NUDT16L1: variants seen among roughly 807,000 people sequenced by gnomAD.
The protein encoded by NUDT16L1 is nudix hydrolase 16 like 1, also known as tudor-interacting repair regulator protein.
Under a neutral mutation model 17.3 loss-of-function variants are expected in NUDT16L1, and 19 were observed. That is an observed-to-expected ratio of 1.10 (90% confidence interval 0.77 to 1.61). The LOEUF is 1.61. Ranked by LOEUF, NUDT16L1 falls within the 40% of genes most tolerant of loss-of-function variation. NUDT16L1 has a pLI of 0.00. For synonymous variants in NUDT16L1, 255 were observed against 138.6 expected (o/e 1.84, Z -5.90); for missense variants, 341 against 292.0 (o/e 1.17, Z -1.22).
exon 2 of NUDT16L1, chr16:4,694,072 G>C (rs927713100): frequency 6.3e-7 from 1 of 1,589,696 alleles, no homozygotes; most frequent in Non-Finnish European, 8.5e-7. Context: ...CGGGTGCTGG[G>C]CCTGGGCCTG....
chr16:4,694,550 G>C, intron 2 of NUDT16L1: 1 of 1,457,112 alleles, frequency 6.9e-7, no homozygotes, highest in South Asian at 1.4e-5. Flanking sequence ...GGGATTGCTT[G>C]GGGAGTTGGG....
intron 2 of NUDT16L1, 51 bp downstream of exon 2, chr16:4,694,289 C>T (rs1369901273): frequency 2.7e-6 from 4 of 1,477,022 alleles, no homozygotes; most frequent in Non-Finnish European, 3.6e-6. Flanking sequence ...TGGCTCTGGC[C>T]CCGTGGAAGG....
exon 1 of NUDT16L1, chr16:4,693,704 G>GCGGGGA: frequency 6.7e-7 from 1 of 1,482,490 alleles, no homozygotes; most frequent in Non-Finnish European, 9.0e-7. Flanking sequence ...AGTGGCAGCG[G>GCGGGGA]CGGGGACGGG....
chr16:4,694,504 T>G (rs1403221238), intron 2 of NUDT16L1: 70 of 1,350,834 alleles, frequency 5.2e-5, no homozygotes, highest in Middle Eastern at 1.8e-4. Context: ...AGTGGGGGAG[T>G]GGGATCGGTG....
At chr16:4,693,854 G>T in exon 1 of NUDT16L1, 1 of 1,554,774 alleles carries the variant, frequency 6.4e-7, no homozygotes, top group Admixed American at 1.9e-5. Flanking sequence ...CTCTTCGGCC[G>T]CATCCCCATG....
exon 3 of NUDT16L1, chr16:4,695,425 G>A (rs2079521410): frequency 1.7e-6 from 1 of 594,616 alleles, no homozygotes; most frequent in Non-Finnish European, 3.0e-6. Context: ...GCCTCAGGAT[G>A]CTCTTGTTTA....
rs754501170 is a variant in NUDT16L1, at chr16:4,695,096, G to A, written c.553G>A (p.Glu185Lys). The change falls in exon 3 of 3, where the codon GAG becomes AAG. Residue 185 changes from glutamate to lysine, a missense_variant. Glu to Lys is a moderately conservative substitution (Grantham distance 56). Transcript: ENST00000304301. The stretch of plus-strand genomic sequence containing the variant: ...CCTCAAGGTGCTCAACATGATGCCC[G>A]AGGAGAAGCTGGTTGAGGCCCTGGC... The A allele has an allele frequency of 5.6e-6, 9 of 1,613,422 alleles. No individual in the cohort carries two copies. The highest frequency in any genetic ancestry group is 1.3e-5 in the African/African-American group (1 of 74,896).
At chr16:4,693,613 T>C, upstream of NUDT16L1, 2 of 1,214,410 alleles carry the variant, frequency 1.6e-6, no homozygotes, top group Non-Finnish European at 2.1e-6. Flanking sequence ...GCGCCGGCGA[T>C]TGGCGGGGGA....
exon 3 of NUDT16L1, chr16:4,695,342 C>T (rs1019593939): frequency 1.6e-5 from 12 of 731,622 alleles, no homozygotes; most frequent in African/African-American, 1.4e-4. Context: ...AGGTGGCGGC[C>T]GGGCCAGCTG....
upstream of NUDT16L1, chr16:4,693,611 G>C (rs1287245511): frequency 8.3e-7 from 1 of 1,210,536 alleles, no homozygotes; most frequent in East Asian, 3.3e-5. Context: ...GCGCGCCGGC[G>C]ATTGGCGGGG....
chr16:4,694,838 C>CTA, intron 2 of NUDT16L1, 120 bp from the exon 3 acceptor site: 16 of 1,469,452 alleles, frequency 1.1e-5, no homozygotes, highest in Non-Finnish European at 1.4e-5. Context: ...GTGGGTCTCC[C>CTA]ATTAAGTCCT....
At chr16:4,694,385 G>C (rs1045003839) in intron 2 of NUDT16L1, 147 bp downstream of exon 2, 6 of 1,454,746 alleles carry the variant, frequency 4.1e-6, no homozygotes, top group Middle Eastern at 2.0e-4. Flanking sequence ...GGGGAGAGGG[G>C]TCTGGGGCTG....
At chr16:4,694,713 G>A in intron 2 of NUDT16L1, 1 of 1,423,422 alleles carries the variant, frequency 7.0e-7, no homozygotes. Context: ...GGACCCCGGG[G>A]TGGGGTGGCC....
chr16:4,694,570 C>T (rs745741984), intron 2 of NUDT16L1: 179 of 1,449,068 alleles, frequency 1.2e-4, no homozygotes, highest in Non-Finnish European at 1.4e-4. Flanking sequence ...GAAACTTGAG[C>T]ACAGCGGGGG....
chr16:4,694,210 C>A (rs1380684810), exon 2 of NUDT16L1: 3 of 1,535,592 alleles, frequency 2.0e-6, no homozygotes, highest in African/African-American at 2.8e-5. Flanking sequence ...GAGATCAGCG[C>A]GGTGCACTCG....
At chr16:4,695,209 T>A (rs865872495) in exon 3 of NUDT16L1, 1 of 1,601,550 alleles carries the variant, frequency 6.2e-7, no homozygotes. Context: ...CACCCTCCCC[T>A]GGGCCGGAAG....
exon 3 of NUDT16L1, chr16:4,695,552 G>A (rs2079523728): frequency 2.2e-6 from 1 of 454,314 alleles, no homozygotes; most frequent in East Asian, 3.3e-5. Context: ...GATGGGATGT[G>A]TGGGTGGAGG....
chr16:4,694,907 G>A (rs1030764067), intron 2 of NUDT16L1, 51 bp from the exon 3 acceptor site: 3 of 1,555,946 alleles, frequency 1.9e-6, no homozygotes, highest in Non-Finnish European at 2.6e-6. Context: ...CCTGCTGGAG[G>A]TGCCATTGTG....
Position 4,693,744 on chromosome 16 carries a change from TC to T in NUDT16L1, c.20del (p.Pro7ArgfsTer3). The T allele has an allele frequency of 6.5e-7, 1 of 1,545,682 alleles. No homozygotes were observed. Among genetic ancestry groups the T allele is most frequent in the African/African-American group, 1.4e-5 (1 of 70,390 alleles). On this transcript the variant is annotated frameshift_variant, in exon 1 of 3. Coordinates refer to ENST00000304301, the Ensembl canonical transcript of NUDT16L1. LOFTEE classifies it high-confidence loss of function. The stretch of plus-strand genomic sequence containing the variant: ...GTGCCAAGATGTCGACGGCGGCGGT[TC>T]CGGAGCTGAAGCAGATCAGCCGGGT...
Sources: gnomAD v4.1 joint callset for allele counts on GRCh38, gnomAD v4.1.1 for gene constraint, MANE v1.5 for transcripts, NCBI Gene and HGNC (gene_info 2026-07-23, HGNC 2026-07-21) for gene names.